Variants in GPHN observed in about 807,000 individuals in gnomAD.
The protein encoded by GPHN is gephyrin.
In GPHN, 17 loss-of-function variants were observed where a neutral mutation model predicts 95.5. The observed-to-expected ratio is 0.18, with a 90% confidence interval of 0.12 to 0.27. The LOEUF is 0.27. Among genes scored for constraint, GPHN ranks in the 10% least tolerant of loss-of-function variants. GPHN has a pLI of 1.00. For missense variants in GPHN, 660 were observed against 978.1 expected (o/e 0.67, Z 4.34); for synonymous variants, 320 against 322.5 (o/e 0.99, Z 0.08).
At chr14:67,277,723 C>A in the GPHN span, among the ~76,000 whole-genome samples, 2 of 151,968 alleles carry the variant, frequency 1.3e-5, no homozygotes, top group Non-Finnish European at 2.9e-5. Flanking sequence ...TTTTTATTTT[C>A]TAAAATATGT....
chr14:67,036,339 A>G (rs2074420032), intron 10 of GPHN, among the ~76,000 whole-genome samples: 1 of 151,484 alleles, frequency 6.6e-6, no homozygotes, highest in Non-Finnish European at 1.5e-5. Flanking sequence ...CATTTTTGCC[A>G]CTTCTTTTTA....
At chr14:66,834,643 T>C (rs945874614) in intron 4 of GPHN, among the ~76,000 whole-genome samples, 4 of 151,718 alleles carry the variant, frequency 2.6e-5, no homozygotes, top group Non-Finnish European at 5.9e-5. Flanking sequence ...GATGTGCTGC[T>C]GGATTCGGTT....
chr14:67,720,518 G>A, the GPHN span, among the ~76,000 whole-genome samples: 8 of 152,294 alleles, frequency 5.3e-5, no homozygotes, highest in East Asian at 1.2e-3. Flanking sequence ...GAAGGATCAA[G>A]TTTGCTTTTT....
chr14:67,576,921 T>A, the GPHN span, among the ~76,000 whole-genome samples: 2 of 152,110 alleles, frequency 1.3e-5, no homozygotes, highest in African/African-American at 2.4e-5. This position sits in a 1 kb window ranked among gnomAD's most constrained non-coding sequence, Gnocchi z 4.0. Context: ...AGGAACTAAT[T>A]AATGGCATAT....
the GPHN span, among the ~76,000 whole-genome samples, chr14:67,250,046 A>G: frequency 2.0e-5 from 3 of 152,066 alleles, no homozygotes; most frequent in Admixed American, 2.0e-4. Context: ...TTTGTTTTTT[A>G]TGAAGCTGGT....
At chr14:67,252,081 T>G in the GPHN span, among the ~76,000 whole-genome samples, 1 of 152,234 alleles carries the variant, frequency 6.6e-6, no homozygotes, top group Non-Finnish European at 1.5e-5. Flanking sequence ...TCTTTGCATC[T>G]CTTCCATTTG....
the GPHN span, among the ~76,000 whole-genome samples, chr14:67,299,580 T>C: frequency 6.6e-6 from 1 of 152,158 alleles, no homozygotes; most frequent in Non-Finnish European, 1.5e-5. Context: ...GATAAGGGAT[T>C]AGAGTATTTT....
At chr14:67,593,819 G>C in the GPHN span, 4 of 1,613,530 alleles carry the variant, frequency 2.5e-6, no homozygotes, top group Non-Finnish European at 3.4e-6. Context: ...TTTGCCTGAA[G>C]CATAAGATGA....
chr14:67,319,719 G>C, the GPHN span, among the ~76,000 whole-genome samples: 1 of 152,164 alleles, frequency 6.6e-6, no homozygotes, highest in East Asian at 1.9e-4. Context: ...GCAGCTCATG[G>C]GCCACGGGTT....
intron 13 of GPHN, among the ~76,000 whole-genome samples, chr14:67,106,365 A>C (rs2078039333): frequency 6.6e-6 from 1 of 152,152 alleles, no homozygotes; most frequent in Admixed American, 6.5e-5. Context: ...GGAAGTTTTC[A>C]GCTATTATTT....
intron 19 of GPHN, among the ~76,000 whole-genome samples, chr14:67,163,259 T>C (rs906132839): frequency 6.6e-6 from 1 of 152,124 alleles, no homozygotes; most frequent in African/African-American, 2.4e-5. Flanking sequence ...TGAGCCATGA[T>C]TGAGCCACTG....
chr14:67,384,078 TGAAA>T, the GPHN span: 1 of 154,748 alleles, frequency 6.5e-6, no homozygotes, highest in Non-Finnish European at 1.4e-5. Context: ...TAAAATGCAT[TGAAA>T]GAATTAGATC....
chr14:67,656,115 G>A, the GPHN span, among the ~76,000 whole-genome samples: 1 of 151,886 alleles, frequency 6.6e-6, no homozygotes, highest in East Asian at 1.9e-4. Context: ...GCATGGTGGC[G>A]CATGCCTGTA....
At chr14:67,618,006 A>G in the GPHN span, among the ~76,000 whole-genome samples, 20 of 152,182 alleles carry the variant, frequency 1.3e-4, no homozygotes, top group Non-Finnish European at 2.5e-4. Flanking sequence ...GGTGTGAGCC[A>G]CCGCGCCCAG....
the GPHN span, among the ~76,000 whole-genome samples, chr14:67,594,719 T>C: frequency 6.6e-6 from 1 of 151,980 alleles, no homozygotes. Context: ...AGTTATGTCC[T>C]GATAAACCCA....
chr14:66,552,915 C>T (rs539567964), intron 1 of GPHN, among the ~76,000 whole-genome samples: 22 of 151,132 alleles, frequency 1.5e-4, no homozygotes, highest in Non-Finnish European at 3.1e-4. Context: ...TCTAATGTAT[C>T]TCAGTGTGGT....
the GPHN span, among the ~76,000 whole-genome samples, chr14:67,643,851 G>GGAA: frequency 3.0e-5 from 1 of 33,030 alleles, no homozygotes; most frequent in African/African-American, 1.8e-4. Flanking sequence ...CTCCTTGGGA[G>GGAA]TAAAAAAAAA....
intron 3 of GPHN, among the ~76,000 whole-genome samples, chr14:66,790,815 C>T (rs962798410): frequency 6.6e-6 from 1 of 152,214 alleles, no homozygotes; most frequent in African/African-American, 2.4e-5. Flanking sequence ...TGAAGGGTTT[C>T]TTTTCCACAA....
At chr14:67,550,621 G>A in the GPHN span, among the ~76,000 whole-genome samples, 1 of 152,232 alleles carries the variant, frequency 6.6e-6, no homozygotes, top group Non-Finnish European at 1.5e-5. Flanking sequence ...GAAAACGTGA[G>A]GGGAAGGGCT....
Sources: gnomAD v4.1 joint callset for allele counts (sites outside exome capture counted in the v4.1 genomes callset) on GRCh38, gnomAD v4.1.1 for gene constraint, Gnocchi (gnomAD v3.1) non-coding constraint, MANE v1.5 for transcripts, NCBI Gene and HGNC (gene_info 2026-07-23, HGNC 2026-07-21) for gene names.